EFNA5: variants seen among roughly 807,000 people sequenced by gnomAD.
The protein encoded by EFNA5 is ephrin A5.
A neutral mutation model predicts 22.9 loss-of-function variants in EFNA5; 5 were observed. The ratio of observed to expected loss-of-function variants is 0.22; its 90% CI spans 0.11 to 0.46. The LOEUF (loss-of-function observed/expected upper bound fraction) is 0.46. EFNA5 is among the 20% of genes least tolerant of loss of function. EFNA5 has a pLI of 0.99. For synonymous variants in EFNA5, 113 were observed against 112.2 expected (o/e 1.01, Z -0.04); for missense variants, 237 against 293.3 (o/e 0.81, Z 1.40).
intron 1 of EFNA5, among the ~76,000 whole-genome samples, chr5:107,565,042 T>C (rs750192924): frequency 1.6e-4 from 24 of 152,120 alleles, no homozygotes; most frequent in Non-Finnish European, 3.2e-4. Context: ...TATGATATCA[T>C]TCCAAAATAA....
chr5:107,649,128 T>C (rs1356680999), intron 1 of EFNA5, among the ~76,000 whole-genome samples: 1 of 152,072 alleles, frequency 6.6e-6, no homozygotes, highest in Non-Finnish European at 1.5e-5. Context: ...TCTCGGATCT[T>C]CTAAGTGAGA....
chr5:107,391,684 G>A (rs192991488), intron 2 of EFNA5, among the ~76,000 whole-genome samples: 1 of 152,318 alleles, frequency 6.6e-6, no homozygotes. Flanking sequence ...TCAGGAAGTT[G>A]GGAGTAGGGA....
rs1432020571 is a variant in EFNA5, at chr5:107,642,517, A to T, written c.125+27972T>A. On this transcript the variant is annotated intron_variant, in intron 1 of 4. Transcript: ENST00000333274. The stretch of plus-strand genomic sequence containing the variant: ...TCAAGAGTGAATCGATCGATTCTCA[A>T]CCCTCCAAAACAAGACTTCTTTCCC... Among the ~76,000 whole-genome samples, 3 of 151,872 alleles carry T rather than the reference A, an allele frequency of 2.0e-5. No homozygotes were observed. In the East Asian group the frequency reaches 5.8e-4, roughly 29 times the overall value.
At chr5:107,637,993 C>A (rs1425824707) in intron 1 of EFNA5, among the ~76,000 whole-genome samples, 3 of 149,500 alleles carry the variant, frequency 2.0e-5, no homozygotes, top group Non-Finnish European at 4.5e-5. Context: ...ACTACACGCA[C>A]CTGCCACCAC....
At chr5:107,648,238 TA>T (rs1295862805) in intron 1 of EFNA5, among the ~76,000 whole-genome samples, 4 of 152,146 alleles carry the variant, frequency 2.6e-5, no homozygotes, top group African/African-American at 7.2e-5. Flanking sequence ...TGACATTATT[TA>T]TATATTTTTA....
At chr5:107,609,531 G>A (rs1402581115) in intron 1 of EFNA5, among the ~76,000 whole-genome samples, 1 of 151,976 alleles carries the variant, frequency 6.6e-6, no homozygotes, top group African/African-American at 2.4e-5. Flanking sequence ...CTTAAAACAC[G>A]GCAAGTGTAC....
intron 1 of EFNA5, among the ~76,000 whole-genome samples, chr5:107,579,910 A>C (rs1007717646): frequency 1.3e-5 from 2 of 152,212 alleles, no homozygotes; most frequent in African/African-American, 4.8e-5. Context: ...ACAGATGTTT[A>C]ATCAACTACA....
chr5:107,497,274 A>C (rs1001138007), intron 1 of EFNA5, among the ~76,000 whole-genome samples: 1 of 152,212 alleles, frequency 6.6e-6, no homozygotes, highest in Non-Finnish European at 1.5e-5. Flanking sequence ...TTCTGCTGAA[A>C]ACAAAAAATC....
chr5:107,440,873 T>C (rs775229016), intron 1 of EFNA5, among the ~76,000 whole-genome samples: 6 of 152,152 alleles, frequency 3.9e-5, no homozygotes, highest in South Asian at 2.1e-4. Context: ...GTTACTCTAA[T>C]ATAGCACGTC....
At chr5:107,437,892 T>C (rs1749158000) in intron 1 of EFNA5, among the ~76,000 whole-genome samples, 1 of 152,190 alleles carries the variant, frequency 6.6e-6, no homozygotes, top group Non-Finnish European at 1.5e-5. Context: ...CCAGGACTGT[T>C]GTTCAAGCAA....
At chr5:107,436,138 T>C (rs1749103745) in intron 1 of EFNA5, among the ~76,000 whole-genome samples, 1 of 152,248 alleles carries the variant, frequency 6.6e-6, no homozygotes, top group African/African-American at 2.4e-5. Context: ...AATGACTTTT[T>C]AAAACTGCTA....
intron 1 of EFNA5, among the ~76,000 whole-genome samples, chr5:107,635,402 A>T (rs17160287): frequency 6.6e-6 from 1 of 152,056 alleles, no homozygotes; most frequent in African/African-American, 2.4e-5. Flanking sequence ...ACCACGAATG[A>T]AGGAAATCTT....
chr5:107,526,082 A>C (rs1747690797), intron 1 of EFNA5, among the ~76,000 whole-genome samples: 1 of 152,222 alleles, frequency 6.6e-6, no homozygotes, highest in South Asian at 2.1e-4. Flanking sequence ...TTTTGTGTAT[A>C]GCCAGCAAAT....
rs934296512 is a variant in EFNA5, at chr5:107,378,063, T to A, written c.*3192A>T. ...CACATTGGATGTTTCAAAGCCTCAA[T>A]GCATGTTTTGTATCCTGAAAGTCTA... On this transcript the variant is annotated 3_prime_UTR_variant, in exon 5 of 5. Transcript: ENST00000333274. The A allele has an allele frequency of 2.0e-5, 3 of 152,170 alleles. No individual in the cohort carries two copies. Among genetic ancestry groups the A allele is most frequent in the Admixed American group, 1.3e-4 (2 of 15,282 alleles). 9.4% of individuals were successfully genotyped at this position (152,170 alleles called of 1,614,324 possible).
intron 1 of EFNA5, among the ~76,000 whole-genome samples, chr5:107,478,745 G>T (rs1378277217): frequency 1.3e-5 from 2 of 152,178 alleles, no homozygotes; most frequent in African/African-American, 4.8e-5. Context: ...GGAACCAATA[G>T]AAATCCTGTA....
At chr5:107,493,935 G>A (rs1423725289) in intron 1 of EFNA5, among the ~76,000 whole-genome samples, 1 of 152,208 alleles carries the variant, frequency 6.6e-6, no homozygotes, top group Non-Finnish European at 1.5e-5. Flanking sequence ...TGTTAGTGTG[G>A]AGGCTGAAAC....
At chr5:107,491,502 G>C (rs1746806247) in intron 1 of EFNA5, among the ~76,000 whole-genome samples, 2 of 152,212 alleles carry the variant, frequency 1.3e-5, no homozygotes, top group Admixed American at 6.5e-5. Flanking sequence ...AGTAGAGACG[G>C]GTTTCACCAT....
intron 1 of EFNA5, among the ~76,000 whole-genome samples, chr5:107,567,246 T>C (rs1748681622): frequency 6.6e-6 from 1 of 152,124 alleles, no homozygotes; most frequent in Admixed American, 6.6e-5. Flanking sequence ...AAATTCCACT[T>C]CCTTTCAATA....
At chr5:107,466,386 G>A (rs1418717499) in intron 1 of EFNA5, among the ~76,000 whole-genome samples, 4 of 151,990 alleles carry the variant, frequency 2.6e-5, no homozygotes, top group Non-Finnish European at 4.4e-5. Context: ...AGCAGAGCCG[G>A]GCACCAGAGC....
Sources: gnomAD v4.1 joint callset for allele counts (sites outside exome capture counted in the v4.1 genomes callset) on GRCh38, gnomAD v4.1.1 for gene constraint, MANE v1.5 for transcripts, NCBI Gene and HGNC (gene_info 2026-07-23, HGNC 2026-07-21) for gene names.